SESN1: variants seen among roughly 807,000 people sequenced by gnomAD.
SESN1 encodes the protein sestrin 1.
A neutral mutation model predicts 59.3 loss-of-function variants in SESN1; 30 were observed. The observed-to-expected ratio is 0.51, with a 90% CI of 0.38 to 0.69. The LOEUF (loss-of-function observed/expected upper bound fraction) is 0.69. Among genes scored for constraint, SESN1 ranks in the 30% least tolerant of loss-of-function variants. The probability of loss-of-function intolerance (pLI) is 0.00; values close to 1 mark genes in which losing one functional copy is unlikely to be tolerated. For synonymous variants in SESN1, 197 were observed against 219.9 expected, an observed-to-expected ratio of 0.90 and a Z score of 0.92; for missense variants, 566 against 673.0, an observed-to-expected ratio of 0.84 and a Z score of 1.76.
chr6:109,079,756 AG>A (rs1781088920), intron 1 of SESN1, among the ~76,000 whole-genome samples: 1 of 152,198 alleles, frequency 6.6e-6, no homozygotes, highest in South Asian at 2.1e-4. Flanking sequence ...GAATTATGAA[AG>A]GGATGCAAAA....
chr6:109,055,411 C>T (rs1001611187), intron 1 of SESN1, among the ~76,000 whole-genome samples: 2 of 151,634 alleles, frequency 1.3e-5, no homozygotes, highest in African/African-American at 2.4e-5. Context: ...GCCTGTAATC[C>T]CAGCCCTTTG....
intron 1 of SESN1, among the ~76,000 whole-genome samples, chr6:109,093,541 A>T (rs1781380288): frequency 6.6e-6 from 1 of 152,264 alleles, no homozygotes; most frequent in Admixed American, 6.5e-5. Flanking sequence ...AACAACATGT[A>T]AAAAGAAATA....
chr6:109,039,911 G>A (rs1333781810), intron 1 of SESN1, among the ~76,000 whole-genome samples: 1 of 152,182 alleles, frequency 6.6e-6, no homozygotes, highest in Non-Finnish European at 1.5e-5. Context: ...GCACAGTCAA[G>A]GGGGATTATT....
intron 1 of SESN1, among the ~76,000 whole-genome samples, chr6:109,082,779 T>C (rs1433288827): frequency 6.6e-6 from 1 of 152,214 alleles, no homozygotes; most frequent in African/African-American, 2.4e-5. Context: ...ATTAGGGATT[T>C]TCAATACATG....
At chr6:109,057,563 T>G (rs1780656966) in intron 1 of SESN1, among the ~76,000 whole-genome samples, 1 of 152,220 alleles carries the variant, frequency 6.6e-6, no homozygotes, top group African/African-American at 2.4e-5. Flanking sequence ...GAAAGGTTCC[T>G]CTTATTCAAG....
chr6:108,989,249 C>T (rs952587552), intron 8 of SESN1, among the ~76,000 whole-genome samples: 2 of 152,128 alleles, frequency 1.3e-5, no homozygotes, highest in African/African-American at 4.8e-5. Flanking sequence ...GTGATCTGCC[C>T]GCCTTGGCTT....
rs1341858009 is a variant in SESN1 at position 109,028,703 on chromosome 6, T to C, written c.280-26360A>G. Among the ~76,000 whole-genome samples the C allele has an allele frequency of 2.6e-5, 4 of 152,144 alleles. 1 individual carries two copies. Among genetic ancestry groups the C allele is most frequent in the South Asian group, 4.1e-4 (2 of 4,832 alleles). ...ATGGAAGACTGGGCAACACATACCA[T>C]AGAAGCAAAGAGAATCTACTACTTA... On this transcript the variant is annotated intron_variant, in intron 1 of 9. Coordinates refer to ENST00000436639, the MANE Select transcript of SESN1 (RefSeq NM_014454.3).
At chr6:109,065,045 CTG>C (rs1335263488) in intron 1 of SESN1, among the ~76,000 whole-genome samples, 1 of 152,110 alleles carries the variant, frequency 6.6e-6, no homozygotes, top group Non-Finnish European at 1.5e-5. Flanking sequence ...ACATAAGAAA[CTG>C]TGCTATTTGA....
At chr6:109,030,528 A>G (rs1780166047) in intron 1 of SESN1, among the ~76,000 whole-genome samples, 1 of 152,232 alleles carries the variant, frequency 6.6e-6, no homozygotes, top group Non-Finnish European at 1.5e-5. Flanking sequence ...AAGTTACTTT[A>G]TCCATAAGTT....
At chr6:108,992,397 G>A (rs114724382) in intron 7 of SESN1, among the ~76,000 whole-genome samples, 1,773 of 152,120 alleles carry the variant, frequency 0.012, 29 homozygotes, top group African/African-American at 0.041. Flanking sequence ...GATCACAGGC[G>A]GGAGCCATTG....
chr6:109,070,020 A>G (rs2114464630), intron 1 of SESN1, among the ~76,000 whole-genome samples: 1 of 152,344 alleles, frequency 6.6e-6, no homozygotes, highest in East Asian at 1.9e-4. Context: ...ACTGGTCTTC[A>G]TGCCTCCTTT....
chr6:109,009,350 C>T (rs1779808123), intron 1 of SESN1: 5 of 1,470,678 alleles, frequency 3.4e-6, no homozygotes, highest in Non-Finnish European at 3.6e-6. Flanking sequence ...CAGCCCCTCG[C>T]CCAGGTACCT....
chr6:109,003,666 T>C (rs1181950714), intron 1 of SESN1, among the ~76,000 whole-genome samples: 2 of 152,312 alleles, frequency 1.3e-5, no homozygotes, highest in Non-Finnish European at 2.9e-5. Context: ...TACCCTTCAT[T>C]AGAGGAGGCA....
At chr6:108,998,449 G>C in intron 5 of SESN1, 64 bp downstream of exon 5, 1 of 1,584,206 alleles carries the variant, frequency 6.3e-7, no homozygotes, top group Non-Finnish European at 8.6e-7. Context: ...GCCAACTGAA[G>C]AAATAATATA....
intron 1 of SESN1, among the ~76,000 whole-genome samples, chr6:109,066,407 G>C (rs1309857718): frequency 6.6e-6 from 1 of 151,456 alleles, no homozygotes; most frequent in Non-Finnish European, 1.5e-5. Flanking sequence ...TCCCTGCAGT[G>C]AATTAGGGTA....
At chr6:109,056,939 C>A (rs1780641727) in intron 1 of SESN1, among the ~76,000 whole-genome samples, 1 of 152,194 alleles carries the variant, frequency 6.6e-6, no homozygotes, top group Non-Finnish European at 1.5e-5. Flanking sequence ...TGTCCTCTCC[C>A]TCCCCTGACA....
rs1291824394 is a variant in SESN1, at chr6:108,986,155, C to T, written c.*1389G>A. Among the ~76,000 whole-genome samples, 1 of 152,196 alleles carries T rather than the reference C, an allele frequency of 6.6e-6. No homozygotes were observed. Among genetic ancestry groups the T allele is most frequent in the Non-Finnish European group, 1.5e-5 (1 of 68,042 alleles). Reference sequence around the variant, plus strand: ...AGTGTCATTTTTTGTTCTGTAGTCTCTCCCTAATGAATCCTTCTTTTTAGT... The same window carrying T: ...AGTGTCATTTTTTGTTCTGTAGTCTTTCCCTAATGAATCCTTCTTTTTAGT... On this transcript the variant is annotated 3_prime_UTR_variant, in exon 10 of 10. Coordinates refer to ENST00000436639, the MANE Select transcript of SESN1 (RefSeq NM_014454.3).
intron 1 of SESN1, among the ~76,000 whole-genome samples, chr6:109,090,016 C>T (rs1319018162): frequency 2.0e-5 from 3 of 152,152 alleles, no homozygotes; most frequent in Non-Finnish European, 4.4e-5. Flanking sequence ...TGATAAAGTC[C>T]ACAACCCTTA....
intron 5 of SESN1, 116 bp downstream of exon 5, chr6:108,998,397 C>T: frequency 8.2e-7 from 1 of 1,213,970 alleles, no homozygotes; most frequent in Middle Eastern, 2.8e-4. Context: ...ATATAGGGGC[C>T]CAATATCTCC....
Sources: allele counts gnomAD v4.1 joint callset (sites outside exome capture counted in the v4.1 genomes callset), GRCh38; gene constraint gnomAD v4.1.1; transcripts MANE v1.5; gene names NCBI Gene and HGNC (gene_info 2026-07-23, HGNC 2026-07-21).